CDC42BPA: variants seen among roughly 807,000 people sequenced by gnomAD.
CDC42BPA encodes serine/threonine-protein kinase MRCK alpha.
A neutral mutation model predicts 223.5 loss-of-function variants in CDC42BPA; 80 were observed. The observed-to-expected ratio is 0.36, with a 90% confidence interval of 0.30 to 0.43. The LOEUF is 0.43. CDC42BPA is among the 20% of genes least tolerant of loss of function. CDC42BPA has a pLI of 1.00. For missense variants in CDC42BPA, 1,743 were observed against 2,099.9 expected (o/e 0.83, Z 3.32); for synonymous variants, 694 against 718.6 (o/e 0.97, Z 0.55).
intron 7 of CDC42BPA, among the ~76,000 whole-genome samples, chr1:227,146,529 G>C (rs1296494821): frequency 6.6e-6 from 1 of 152,030 alleles, no homozygotes; most frequent in African/African-American, 2.4e-5. Context: ...AAAAAGAATA[G>C]ATTATCATTC....
chr1:227,031,223 A>G, intron 28 of CDC42BPA, 75 bp downstream of exon 28: 1 of 1,175,748 alleles, frequency 8.5e-7, no homozygotes, highest in Non-Finnish European at 1.3e-6. Flanking sequence ...GGATTCCTAG[A>G]TGAAAGCCAA....
At chr1:227,028,232 A>C (rs1189447559) in intron 30 of CDC42BPA, among the ~76,000 whole-genome samples, 2 of 152,164 alleles carry the variant, frequency 1.3e-5, no homozygotes, top group Non-Finnish European at 2.9e-5. Context: ...AAACTGAAAA[A>C]ACACCTCTTA....
At chr1:227,097,826 T>C (rs916064963) in intron 15 of CDC42BPA, among the ~76,000 whole-genome samples, 4 of 152,192 alleles carry the variant, frequency 2.6e-5, no homozygotes, top group African/African-American at 7.2e-5. Flanking sequence ...GGTAGGTCAC[T>C]GTGCATGTGG....
intron 21 of CDC42BPA, among the ~76,000 whole-genome samples, chr1:227,057,301 A>T (rs1305355449): frequency 1.3e-5 from 2 of 152,242 alleles, no homozygotes; most frequent in East Asian, 3.8e-4. Flanking sequence ...TTAATAGCAT[A>T]CTAGAAACAA....
chr1:227,078,106 C>G lies in CDC42BPA; in HGVS notation c.2480+2787G>C, dbSNP rs553669826. On this transcript the variant is annotated intron_variant, in intron 17 of 36. Transcript: ENST00000366766. ...ACTGTGTTGCAGTAACTTTATTACT[C>G]TTATTTCCTACTATTCTTTTACAAA... Among the ~76,000 whole-genome samples, 9 of 152,218 alleles carry G rather than the reference C, an allele frequency of 5.9e-5. No individual in the cohort carries two copies. In the South Asian group the frequency reaches 1.9e-3, roughly 32 times the overall value.
chr1:227,285,394 C>T (rs1688652090), intron 1 of CDC42BPA, among the ~76,000 whole-genome samples: 1 of 152,208 alleles, frequency 6.6e-6, no homozygotes, highest in South Asian at 2.1e-4. Context: ...GAGGACTTTA[C>T]ATCTTACGTA....
At chr1:227,141,867 G>A (rs1312718899) in intron 9 of CDC42BPA, among the ~76,000 whole-genome samples, 4 of 152,188 alleles carry the variant, frequency 2.6e-5, no homozygotes, top group Non-Finnish European at 4.4e-5. Context: ...TACTCAGGAG[G>A]CTGAGGCAGG....
At chr1:227,065,453 G>A (rs1676846686) in intron 21 of CDC42BPA, among the ~76,000 whole-genome samples, 1 of 152,138 alleles carries the variant, frequency 6.6e-6, no homozygotes, top group South Asian at 2.1e-4. Flanking sequence ...AGAGGGAAGG[G>A]AATGACTGGT....
At chr1:227,104,880 A>C (rs1370695036) in intron 14 of CDC42BPA, among the ~76,000 whole-genome samples, 1 of 152,152 alleles carries the variant, frequency 6.6e-6, no homozygotes, top group African/African-American at 2.4e-5. Flanking sequence ...TCTAGCCTCC[A>C]GAACTGAGAC....
chr1:227,187,556 A>G (rs940510130), intron 5 of CDC42BPA, among the ~76,000 whole-genome samples: 1 of 151,366 alleles, frequency 6.6e-6, no homozygotes, highest in Non-Finnish European at 1.5e-5. Flanking sequence ...GTTACATGTA[A>G]TGGGAATACC....
chr1:227,300,843 C>A (rs1041364699), intron 1 of CDC42BPA, among the ~76,000 whole-genome samples: 6 of 152,174 alleles, frequency 3.9e-5, no homozygotes, highest in African/African-American at 1.4e-4. Flanking sequence ...CACGCACACA[C>A]GGCATTTCTT....
chr1:227,070,563 T>C (rs1322501020), intron 20 of CDC42BPA, among the ~76,000 whole-genome samples: 1 of 151,896 alleles, frequency 6.6e-6, no homozygotes, highest in African/African-American at 2.4e-5. Context: ...TCAGCTGATT[T>C]GTGTTTTTCA....
At chr1:227,083,019 G>A (rs1326586854) in intron 16 of CDC42BPA, among the ~76,000 whole-genome samples, 1 of 152,086 alleles carries the variant, frequency 6.6e-6, no homozygotes, top group Non-Finnish European at 1.5e-5. Context: ...ATTTGTCTAA[G>A]TGGGGTCTGA....
At chr1:227,287,880 T>C (rs1387716142) in intron 1 of CDC42BPA, among the ~76,000 whole-genome samples, 1 of 152,182 alleles carries the variant, frequency 6.6e-6, no homozygotes, top group Non-Finnish European at 1.5e-5. Flanking sequence ...TGTAGGGCAA[T>C]GAGTTTCTCT....
intron 35 of CDC42BPA, among the ~76,000 whole-genome samples, chr1:226,995,929 T>C (rs1258785570): frequency 1.3e-5 from 2 of 152,238 alleles, no homozygotes; most frequent in Non-Finnish European, 2.9e-5. Context: ...GGGTTTAACA[T>C]GTCTCAATTG....
chr1:227,260,840 A>T (rs773760227), intron 1 of CDC42BPA, among the ~76,000 whole-genome samples: 11 of 151,118 alleles, frequency 7.3e-5, no homozygotes, highest in Non-Finnish European at 1.5e-4. Flanking sequence ...AAAAGAGAAT[A>T]ATCCATGCAA....
At chr1:227,155,369 G>C (rs535265788) in intron 6 of CDC42BPA, among the ~76,000 whole-genome samples, 3 of 152,194 alleles carry the variant, frequency 2.0e-5, no homozygotes, top group African/African-American at 7.2e-5. Flanking sequence ...ACAATATGAA[G>C]GCATTTTTCA....
At chr1:227,030,127 C>CTT (rs1457185875) in intron 29 of CDC42BPA, among the ~76,000 whole-genome samples, 1 of 138,188 alleles carries the variant, frequency 7.2e-6, no homozygotes, top group Non-Finnish European at 1.6e-5. Context: ...GAGTGAAACT[C>CTT]TGTCTCCAAA....
intron 2 of CDC42BPA, among the ~76,000 whole-genome samples, chr1:227,244,534 T>C (rs1348065011): frequency 2.0e-5 from 3 of 151,854 alleles, no homozygotes. Flanking sequence ...GCTAGAAATG[T>C]ACTATATCTT....
Sources: allele counts gnomAD v4.1 joint callset (sites outside exome capture counted in the v4.1 genomes callset), GRCh38; gene constraint gnomAD v4.1.1; transcripts MANE v1.5; gene names NCBI Gene and HGNC (gene_info 2026-07-23, HGNC 2026-07-21).